SERGEF: variants seen among roughly 807,000 people sequenced by gnomAD.
SERGEF encodes the protein secretion-regulating guanine nucleotide exchange factor.
SERGEF carries 51 observed loss-of-function variants against 50.0 expected under a neutral mutation model. The observed-to-expected ratio is 1.02, with a 90% CI of 0.81 to 1.29. The LOEUF (loss-of-function observed/expected upper bound fraction) is 1.29, where lower values mean the gene tolerates loss of function less well. Ranked by LOEUF, SERGEF falls within the 50% of genes most tolerant of loss-of-function variation. The pLI, the probability that SERGEF is intolerant of heterozygous loss-of-function variation, is 0.00. For synonymous variants in SERGEF, 205 were observed against 212.4 expected, an observed-to-expected ratio of 0.97 and a Z score of 0.30; for missense variants, 521 against 557.0, an observed-to-expected ratio of 0.94 and a Z score of 0.65.
chr11:17,895,632 C>CATACAT (rs1309176940), intron 9 of SERGEF, among the ~76,000 whole-genome samples: 1 of 152,140 alleles, frequency 6.6e-6, no homozygotes, highest in Non-Finnish European at 1.5e-5. Context: ...TTCTGGGTGA[C>CATACAT]ATACATATAC....
chr11:17,960,763 A>C (rs1852981103), intron 8 of SERGEF, among the ~76,000 whole-genome samples: 1 of 152,224 alleles, frequency 6.6e-6, no homozygotes, highest in Non-Finnish European at 1.5e-5. Context: ...AGTTCTCAGC[A>C]TCAGCCTGCT....
intron 9 of SERGEF, among the ~76,000 whole-genome samples, chr11:17,896,665 T>G (rs1356292614): frequency 0.02 from 121 of 6,054 alleles, no homozygotes; most frequent in African/African-American, 0.024. Flanking sequence ...AAGGGAAGGG[T>G]AACGGGAAGG....
intron 9 of SERGEF, among the ~76,000 whole-genome samples, chr11:17,898,082 A>C (rs1462245055): frequency 6.6e-6 from 1 of 152,248 alleles, no homozygotes; most frequent in Non-Finnish European, 1.5e-5. Context: ...GGCAGGGCTG[A>C]GCATTCATGA....
chr11:17,875,474 C>T (rs1851222538), intron 10 of SERGEF, among the ~76,000 whole-genome samples: 1 of 152,254 alleles, frequency 6.6e-6, no homozygotes, highest in Non-Finnish European at 1.5e-5. Context: ...CTCCCTGTCT[C>T]CTTGTCAATT....
intron 9 of SERGEF, among the ~76,000 whole-genome samples, chr11:17,933,746 C>T (rs1590205635): frequency 6.6e-6 from 1 of 150,818 alleles, no homozygotes; most frequent in Non-Finnish European, 1.5e-5. Context: ...TTAAGTATTA[C>T]AAATATATAG....
At chr11:17,798,753 G>C (rs1032694489) in intron 10 of SERGEF, among the ~76,000 whole-genome samples, 1 of 152,248 alleles carries the variant, frequency 6.6e-6, no homozygotes, top group Admixed American at 6.5e-5. Flanking sequence ...GGCAGAAAGA[G>C]AAACTAACCC....
At chr11:17,981,741 C>T (rs1853499060) in intron 8 of SERGEF, among the ~76,000 whole-genome samples, 1 of 152,162 alleles carries the variant, frequency 6.6e-6, no homozygotes, top group Non-Finnish European at 1.5e-5. Flanking sequence ...CACACATATC[C>T]TTAAAGAAAT....
At chr11:18,007,722 G>C (rs1056684444) in intron 2 of SERGEF, among the ~76,000 whole-genome samples, 17 of 71,820 alleles carry the variant, frequency 2.4e-4, no homozygotes, top group Admixed American at 5.4e-4. Flanking sequence ...ATAATGGAGG[G>C]GGTGGGGGAA....
chr11:17,831,784 C>T (rs775955445), intron 10 of SERGEF, among the ~76,000 whole-genome samples: 5 of 152,174 alleles, frequency 3.3e-5, no homozygotes, highest in Non-Finnish European at 5.9e-5. Context: ...GTCTGTCTTC[C>T]ACATCCAAGT....
intron 8 of SERGEF, among the ~76,000 whole-genome samples, chr11:17,982,085 G>A (rs919252944): frequency 2.6e-5 from 4 of 152,140 alleles, no homozygotes; most frequent in Admixed American, 6.5e-5. Flanking sequence ...AATTACAGAC[G>A]TGAGCCACCA....
chr11:17,929,322 T>A (rs1341314146), intron 9 of SERGEF, among the ~76,000 whole-genome samples: 1 of 152,278 alleles, frequency 6.6e-6, no homozygotes, highest in African/African-American at 2.4e-5. Flanking sequence ...TCAAACTTCA[T>A]GCTCAAGGCA....
chr11:17,801,759 T>C (rs752071235), intron 10 of SERGEF, among the ~76,000 whole-genome samples: 13 of 152,060 alleles, frequency 8.5e-5, no homozygotes, highest in African/African-American at 1.2e-4. Context: ...TGGGAAACCG[T>C]GTGAATAACA....
At chr11:17,820,025 G>A (rs1476921791) in intron 10 of SERGEF, among the ~76,000 whole-genome samples, 1 of 151,566 alleles carries the variant, frequency 6.6e-6, no homozygotes, top group African/African-American at 2.4e-5. Context: ...ATTTTTTTTT[G>A]TAGAGGCGGG....
At chr11:17,957,317 G>A (rs542098449) in intron 9 of SERGEF, among the ~76,000 whole-genome samples, 15 of 152,320 alleles carry the variant, frequency 9.8e-5, no homozygotes, top group African/African-American at 3.6e-4. Context: ...CAGTTTCTGA[G>A]TGCCTACTAA....
intron 9 of SERGEF, among the ~76,000 whole-genome samples, chr11:17,883,948 C>G (rs1354078271): frequency 6.6e-6 from 1 of 152,120 alleles, no homozygotes; most frequent in Non-Finnish European, 1.5e-5. Context: ...ACGGGGAAAT[C>G]GGGGCGCGGA....
intron 8 of SERGEF, among the ~76,000 whole-genome samples, chr11:17,978,727 T>TAA: frequency 6.6e-6 from 1 of 152,286 alleles, no homozygotes; most frequent in Non-Finnish European, 1.5e-5. Context: ...CAAGACCCTT[T>TAA]CCCTTTCTGG....
intron 9 of SERGEF, among the ~76,000 whole-genome samples, chr11:17,892,095 G>A (rs943002774): frequency 1.3e-5 from 2 of 152,194 alleles, no homozygotes; most frequent in Admixed American, 6.5e-5. Flanking sequence ...AATGTGAGGA[G>A]CACTTGGGGA....
chr11:17,994,348 C>T (rs1012435112), intron 6 of SERGEF, among the ~76,000 whole-genome samples: 1 of 151,766 alleles, frequency 6.6e-6, no homozygotes, highest in Non-Finnish European at 1.5e-5. Flanking sequence ...TGGTGGCAGG[C>T]GCCAGTAGTC....
chr11:17,986,492 C>G, intron 8 of SERGEF, among the ~76,000 whole-genome samples: 1 of 152,340 alleles, frequency 6.6e-6, no homozygotes, highest in Non-Finnish European at 1.5e-5. Flanking sequence ...AGAAACCTGA[C>G]GCTGAGCTCC....
Sources: allele counts gnomAD v4.1 joint callset (sites outside exome capture counted in the v4.1 genomes callset), GRCh38; gene constraint gnomAD v4.1.1; transcripts MANE v1.5; gene names NCBI Gene and HGNC (gene_info 2026-07-23, HGNC 2026-07-21).